PPP2R2B: variants seen among roughly 807,000 people sequenced by gnomAD.
PPP2R2B encodes serine/threonine-protein phosphatase 2A 55 kDa regulatory subunit B beta isoform.
In PPP2R2B, 5 loss-of-function variants were observed where a neutral mutation model predicts 46.0. The observed-to-expected ratio is 0.11, with a 90% confidence interval of 0.06 to 0.23. PPP2R2B has a LOEUF of 0.23. Among genes scored for constraint, PPP2R2B ranks in the 10% least tolerant of loss-of-function variants. The pLI, the probability that PPP2R2B is intolerant of heterozygous loss-of-function variation, is 1.00. For synonymous variants in PPP2R2B, 215 were observed against 206.7 expected (o/e 1.04, Z -0.34); for missense variants, 367 against 575.0 (o/e 0.64, Z 3.70).
intron 1 of PPP2R2B, among the ~76,000 whole-genome samples, chr5:146,893,618 G>A (rs1261365787): frequency 2.0e-5 from 3 of 151,938 alleles, no homozygotes; most frequent in African/African-American, 7.3e-5. Flanking sequence ...TCAGGAGACC[G>A]GCCTGGCCAA....
At chr5:146,971,509 G>A (rs992769086) in intron 1 of PPP2R2B, among the ~76,000 whole-genome samples, 1 of 152,276 alleles carries the variant, frequency 6.6e-6, no homozygotes, top group East Asian at 1.9e-4. Context: ...CCCTAGTGAT[G>A]TGCAAAGTTA....
intron 2 of PPP2R2B, among the ~76,000 whole-genome samples, chr5:146,730,628 G>A (rs1752170173): frequency 6.6e-6 from 1 of 152,142 alleles, no homozygotes; most frequent in Non-Finnish European, 1.5e-5. Context: ...TAGTGAATAA[G>A]TCTCATGAGA....
chr5:146,835,282 T>G (rs1759213208), intron 2 of PPP2R2B, among the ~76,000 whole-genome samples: 1 of 152,108 alleles, frequency 6.6e-6, no homozygotes, highest in African/African-American at 2.4e-5. Flanking sequence ...GGGAAAATAT[T>G]AAAATATTTC....
At chr5:146,737,936 T>C (rs1176114670) in intron 2 of PPP2R2B, among the ~76,000 whole-genome samples, 3 of 150,312 alleles carry the variant, frequency 2.0e-5, no homozygotes, top group Non-Finnish European at 4.4e-5. Flanking sequence ...TGAGACCCTG[T>C]CTCAAAAAAC....
At chr5:146,913,723 CATAA>C (rs1487270541) in intron 1 of PPP2R2B, among the ~76,000 whole-genome samples, 1 of 152,102 alleles carries the variant, frequency 6.6e-6, no homozygotes, top group African/African-American at 2.4e-5. Flanking sequence ...TCTCTAATAC[CATAA>C]ATATACATTG....
chr5:146,967,095 G>T (rs1416540983), intron 1 of PPP2R2B, among the ~76,000 whole-genome samples: 1 of 152,140 alleles, frequency 6.6e-6, no homozygotes, highest in Non-Finnish European at 1.5e-5. Flanking sequence ...CTCAGTTCAG[G>T]TTTAAAACCC....
intron 2 of PPP2R2B, among the ~76,000 whole-genome samples, chr5:146,770,002 C>CA (rs553997589): frequency 2.6e-5 from 4 of 151,616 alleles, no homozygotes; most frequent in Admixed American, 6.6e-5. Flanking sequence ...TTTATACTAG[C>CA]AAAAAAAATC....
intron 1 of PPP2R2B, among the ~76,000 whole-genome samples, chr5:147,033,913 C>A (rs1474936013): frequency 6.6e-6 from 1 of 152,072 alleles, no homozygotes; most frequent in Non-Finnish European, 1.5e-5. Flanking sequence ...TATCTCCACA[C>A]AGCAACCAAA....
At chr5:146,615,514 T>TAAAAAAAAAAA (rs1561772287) in intron 7 of PPP2R2B, among the ~76,000 whole-genome samples, 2 of 83,254 alleles carry the variant, frequency 2.4e-5, no homozygotes, top group African/African-American at 1.3e-4. Context: ...AAAAAAAAAA[T>TAAAAAAAAAAA]TAAAAAAAAA....
At chr5:146,781,473 G>A (rs560682639) in intron 2 of PPP2R2B, among the ~76,000 whole-genome samples, 4 of 151,598 alleles carry the variant, frequency 2.6e-5, no homozygotes, top group African/African-American at 7.2e-5. Flanking sequence ...TTTAGTTTAC[G>A]TTAACACAAA....
chr5:146,924,127 G>A (rs1350259753), intron 1 of PPP2R2B, among the ~76,000 whole-genome samples: 2 of 152,276 alleles, frequency 1.3e-5, no homozygotes, highest in East Asian at 3.9e-4. Flanking sequence ...TGGGTACTAG[G>A]CTTAATGCCT....
intron 5 of PPP2R2B, among the ~76,000 whole-genome samples, chr5:146,687,064 G>A (rs1027256192): frequency 6.6e-6 from 1 of 151,542 alleles, no homozygotes; most frequent in East Asian, 1.9e-4. Context: ...GTAGCGGGGA[G>A]TGGTGGGGGG....
intron 2 of PPP2R2B, among the ~76,000 whole-genome samples, chr5:146,831,791 C>T (rs879188980): frequency 2.6e-5 from 4 of 152,112 alleles, no homozygotes; most frequent in Admixed American, 1.3e-4. Context: ...AGTGAGACTT[C>T]GTCTTTGACA....
intron 1 of PPP2R2B, among the ~76,000 whole-genome samples, chr5:146,983,391 A>G (rs1312264743): frequency 6.6e-6 from 1 of 152,064 alleles, no homozygotes; most frequent in African/African-American, 2.4e-5. Flanking sequence ...CATGTTAGCC[A>G]GGATGGTCTT....
chr5:146,990,804 T>C (rs557645051), intron 1 of PPP2R2B, among the ~76,000 whole-genome samples: 3 of 152,018 alleles, frequency 2.0e-5, no homozygotes, highest in Non-Finnish European at 4.4e-5. Context: ...TTGCAAACTA[T>C]GCATCTGACA....
chr5:146,813,235 A>T (rs1186362017), intron 2 of PPP2R2B, among the ~76,000 whole-genome samples: 4 of 143,718 alleles, frequency 2.8e-5, no homozygotes, highest in Admixed American at 6.8e-5. Context: ...AATAATCATT[A>T]AAAAAAACCC....
intron 1 of PPP2R2B, among the ~76,000 whole-genome samples, chr5:146,984,155 C>T (rs1753314139): frequency 6.6e-6 from 1 of 152,138 alleles, no homozygotes; most frequent in African/African-American, 2.4e-5. Flanking sequence ...CTATATTAAA[C>T]ATGCAGTGCA....
intron 2 of PPP2R2B, among the ~76,000 whole-genome samples, chr5:146,713,773 C>A (rs1486394301): frequency 1.3e-5 from 2 of 152,162 alleles, no homozygotes; most frequent in African/African-American, 2.4e-5. Context: ...GTCTCAGCAA[C>A]TGGCATGTTA....
intron 1 of PPP2R2B, among the ~76,000 whole-genome samples, chr5:146,931,900 G>C (rs1763981078): frequency 6.6e-6 from 1 of 152,162 alleles, no homozygotes; most frequent in Non-Finnish European, 1.5e-5. Flanking sequence ...AATTGTGTGT[G>C]AGTGCACGCA....
Sources: allele counts gnomAD v4.1 joint callset (sites outside exome capture counted in the v4.1 genomes callset), GRCh38; gene constraint gnomAD v4.1.1; transcripts MANE v1.5; gene names NCBI Gene and HGNC (gene_info 2026-07-23, HGNC 2026-07-21).